The following UBR3 variants were observed in gnomAD, a reference collection of about 807,000 sequenced individuals.
The protein encoded by UBR3 is ubiquitin protein ligase E3 component n-recognin 3.
In UBR3, 85 loss-of-function variants were observed where a neutral mutation model predicts 243.2. The ratio of observed to expected loss-of-function variants is 0.35; its 90% CI spans 0.29 to 0.42. The LOEUF (loss-of-function observed/expected upper bound fraction) is 0.42. Among genes scored for constraint, UBR3 ranks in the 10% least tolerant of loss-of-function variants. The pLI is 1.00. For missense variants in UBR3, 1,686 were observed against 2,300.8 expected, an observed-to-expected ratio of 0.73 and a Z score of 5.47; for synonymous variants, 748 against 799.8, an observed-to-expected ratio of 0.94 and a Z score of 1.09.
chr2:169,876,602 G>A (rs1436782890), intron 3 of UBR3, among the ~76,000 whole-genome samples: 1 of 149,382 alleles, frequency 6.7e-6, no homozygotes, highest in Non-Finnish European at 1.5e-5. Flanking sequence ...CTGTTGCCCA[G>A]GCTGGAGTGC....
chr2:170,060,664 T>A (rs1034647120), intron 33 of UBR3, among the ~76,000 whole-genome samples: 1 of 152,140 alleles, frequency 6.6e-6, no homozygotes, highest in African/African-American at 2.4e-5. Flanking sequence ...GGTATTCCAT[T>A]TTTTAGGTAA....
At chr2:170,033,140 T>C (rs2090724804) in intron 31 of UBR3, among the ~76,000 whole-genome samples, 1 of 152,090 alleles carries the variant, frequency 6.6e-6, no homozygotes, top group South Asian at 2.1e-4. Context: ...AAAAAGTTTC[T>C]AAGCCTAGTA....
chr2:169,926,733 C>T lies in UBR3; in HGVS notation c.2193C>T (p.Ser731=), dbSNP rs543767039. Residue 731 remains serine, a synonymous_variant, in exon 15 of 39, where the codon TCC becomes TCT. Coordinates refer to ENST00000272793, the MANE Select transcript of UBR3 (RefSeq NM_172070.4). ...TTGACCCAGATTATTTTATTTCATC[C>T]GTCTTTGAAAGGTAGGCATAATTTT... ...SRLDPDYFIS[S]VFERFKVVDL... 5.4e-5 allele frequency: 83 copies of T among 1,549,574 alleles called. No individual in the cohort carries two copies. Among genetic ancestry groups the T allele is most frequent in the Non-Finnish European group, 6.5e-5 (75 of 1,146,394 alleles).
Position 169,926,980 on chromosome 2 carries a change from C to G in UBR3, c.2338+9C>G. ...TCTTCGTTTACATTTAGGTAAAACT[C>G]ACTGATACTAATACTTATGCATTAA... On this transcript the variant is annotated intron_variant, in intron 16 of 38. Coordinates refer to ENST00000272793, the MANE Select transcript of UBR3 (RefSeq NM_172070.4). 1 of 1,549,400 alleles carries G rather than the reference C, an allele frequency of 6.5e-7. No individual in the cohort carries two copies. Among genetic ancestry groups the G allele is most frequent in the East Asian group, 2.4e-5 (1 of 40,850 alleles).
intron 36 of UBR3, among the ~76,000 whole-genome samples, chr2:170,079,184 A>C (rs2091864786): frequency 6.6e-6 from 1 of 152,206 alleles, no homozygotes; most frequent in African/African-American, 2.4e-5. Flanking sequence ...GCAAATAGTT[A>C]ATAAAGCATA....
At chr2:170,021,500 C>T (rs2090391198) in intron 30 of UBR3, among the ~76,000 whole-genome samples, 1 of 152,086 alleles carries the variant, frequency 6.6e-6, no homozygotes, top group Non-Finnish European at 1.5e-5. Flanking sequence ...TATAAGAGCA[C>T]TAATCCCATT....
chr2:169,977,438 A>T (rs1161090588), intron 24 of UBR3, among the ~76,000 whole-genome samples: 2 of 152,114 alleles, frequency 1.3e-5, no homozygotes, highest in East Asian at 3.9e-4. Flanking sequence ...CCAAGTCTAA[A>T]ACCCTCAAAA....
At chr2:170,080,201 G>A (rs1264325143) in intron 37 of UBR3, 178 bp downstream of exon 37, 2 of 642,232 alleles carry the variant, frequency 3.1e-6, no homozygotes, top group African/African-American at 1.8e-5. Context: ...GAGGCTTTAA[G>A]TGAGTAAATC....
intron 23 of UBR3, among the ~76,000 whole-genome samples, chr2:169,954,570 CTTT>C (rs572929851): frequency 7.7e-6 from 1 of 130,054 alleles, no homozygotes; most frequent in African/African-American, 2.9e-5. Context: ...TGTTACTTAC[CTTT>C]TTTTTTTTTT....
rs1019495248 is a variant in UBR3, at chr2:170,082,963, G to A, written c.*1120G>A. The A allele has an allele frequency of 6.6e-6, 1 of 152,476 alleles. No homozygotes were observed. The highest frequency in any genetic ancestry group is 2.4e-5 in the African/African-American group (1 of 41,402). 9.4% of individuals were successfully genotyped at this position (152,476 alleles called of 1,614,324 possible). On this transcript the variant is annotated 3_prime_UTR_variant, in exon 39 of 39. Transcript: ENST00000272793. ...AGGGTTTAAAAATCAGTAAAAATGG[G>A]AATGATTGAGCTAAAACCCACTCTA...
intron 5 of UBR3, among the ~76,000 whole-genome samples, chr2:169,880,587 TAGA>T (rs2083784037): frequency 6.6e-6 from 1 of 152,180 alleles, no homozygotes; most frequent in Admixed American, 6.5e-5. Flanking sequence ...GGTTGGGTGC[TAGA>T]AGGACATCCT....
chr2:169,854,978 A>G (rs1311241283), intron 1 of UBR3, among the ~76,000 whole-genome samples: 2 of 152,216 alleles, frequency 1.3e-5, no homozygotes, highest in Non-Finnish European at 2.9e-5. Context: ...AGGACCGTGC[A>G]GCCTGGATTT....
chr2:169,922,933 G>A (rs1053347291), intron 11 of UBR3, among the ~76,000 whole-genome samples: 24 of 152,056 alleles, frequency 1.6e-4, no homozygotes, highest in African/African-American at 5.8e-4. Flanking sequence ...CCTCTATAAT[G>A]TAAATTATAT....
intron 5 of UBR3, among the ~76,000 whole-genome samples, chr2:169,890,538 G>GATATATATATATAT (rs1238478825): frequency 1.3e-5 from 1 of 77,574 alleles, no homozygotes; most frequent in African/African-American, 6.2e-5. Context: ...GAGAGAGAGA[G>GATATATATATATAT]AGATATATAT....
At chr2:169,839,576 G>T (rs2082222235) in intron 1 of UBR3, among the ~76,000 whole-genome samples, 1 of 152,156 alleles carries the variant, frequency 6.6e-6, no homozygotes, top group African/African-American at 2.4e-5. Flanking sequence ...GGTATTCCAA[G>T]TACATTGATT....
chr2:169,975,553 G>A (rs1445632319), intron 24 of UBR3, among the ~76,000 whole-genome samples: 1 of 152,180 alleles, frequency 6.6e-6, no homozygotes, highest in Non-Finnish European at 1.5e-5. Flanking sequence ...GTGGGCTGTT[G>A]CCAACGATTA....
intron 31 of UBR3, among the ~76,000 whole-genome samples, chr2:170,031,514 T>A (rs2090669585): frequency 6.6e-6 from 1 of 152,166 alleles, no homozygotes; most frequent in Non-Finnish European, 1.5e-5. Flanking sequence ...TGTTTAGATT[T>A]CTATTTTTTA....
chr2:169,957,478 T>C (rs2087358349), intron 23 of UBR3, among the ~76,000 whole-genome samples: 1 of 148,528 alleles, frequency 6.7e-6, no homozygotes, highest in Admixed American at 6.9e-5. Flanking sequence ...AACCAAACAC[T>C]GCATGTTCTC....
intron 32 of UBR3, among the ~76,000 whole-genome samples, chr2:170,048,295 C>T (rs752072894): frequency 3.9e-5 from 6 of 152,246 alleles, no homozygotes; most frequent in East Asian, 1.9e-4. Flanking sequence ...TAGTTTTGGC[C>T]GATTCATGGA....
Sources: gnomAD v4.1 joint callset for allele counts (sites outside exome capture counted in the v4.1 genomes callset) on GRCh38, gnomAD v4.1.1 for gene constraint, MANE v1.5 for transcripts, NCBI Gene and HGNC (gene_info 2026-07-23, HGNC 2026-07-21) for gene names.